The following RBFOX1 variants were observed in gnomAD, a reference collection of about 807,000 sequenced individuals.
The protein encoded by RBFOX1 is RNA binding protein fox-1 homolog 1.
Under a neutral mutation model 57.7 loss-of-function variants are expected in RBFOX1, and 8 were observed. The observed-to-expected ratio is 0.14, with a 90% confidence interval of 0.08 to 0.25. The LOEUF is 0.25. Among genes scored for constraint, RBFOX1 ranks in the 10% least tolerant of loss-of-function variants. RBFOX1 has a pLI of 1.00. For synonymous variants in RBFOX1, 326 were observed against 222.4 expected (o/e 1.47, Z -4.15); for missense variants, 611 against 548.5 (o/e 1.11, Z -1.14).
intron 3 of RBFOX1, among the ~76,000 whole-genome samples, chr16:6,777,130 G>C (rs112101020): frequency 0.016 from 2,494 of 152,098 alleles, 73 homozygotes; most frequent in African/African-American, 0.057. Context: ...TAGTGGTCTT[G>C]TATGCGATGT....
chr16:6,469,469 G>A (rs75191849), intron 2 of RBFOX1, among the ~76,000 whole-genome samples: 1,802 of 152,254 alleles, frequency 0.012, 24 homozygotes, highest in African/African-American at 0.036. Context: ...AGGAATTGGC[G>A]TGATTTTAAG....
At chr16:6,647,890 G>C (rs2098546758) in intron 2 of RBFOX1, among the ~76,000 whole-genome samples, 3 of 152,160 alleles carry the variant, frequency 2.0e-5, no homozygotes, top group Admixed American at 6.5e-5. Flanking sequence ...TGCCCAGTCT[G>C]GAGTGTAGTG....
At chr16:6,457,954 T>C (rs2094817481) in intron 2 of RBFOX1, among the ~76,000 whole-genome samples, 1 of 151,702 alleles carries the variant, frequency 6.6e-6, no homozygotes, top group African/African-American at 2.4e-5. Context: ...GGTGGTCACG[T>C]ACATGTGCAA....
chr16:7,476,960 G>C (rs548764475), intron 4 of RBFOX1, among the ~76,000 whole-genome samples: 1 of 152,240 alleles, frequency 6.6e-6, no homozygotes, highest in East Asian at 1.9e-4. Flanking sequence ...CTCCATCATA[G>C]TGCAATTGCA....
intron 3 of RBFOX1, among the ~76,000 whole-genome samples, chr16:6,777,944 G>C (rs1288144014): frequency 6.6e-6 from 1 of 152,122 alleles, no homozygotes; most frequent in African/African-American, 2.4e-5. Flanking sequence ...TTTCAGTGCA[G>C]GTGGTAATAT....
intron 3 of RBFOX1, among the ~76,000 whole-genome samples, chr16:5,658,716 TCATA>T (rs199909285): frequency 0.042 from 6,265 of 148,534 alleles, 451 homozygotes; most frequent in African/African-American, 0.15. Context: ...TAGTATTCCA[TCATA>T]CATACATACA....
chr16:7,373,949 G>A (rs4238879), intron 4 of RBFOX1, among the ~76,000 whole-genome samples: 118,766 of 152,152 alleles, frequency 0.78, 47,060 homozygotes, highest in African/African-American at 0.92. Flanking sequence ...CAATGAAACT[G>A]TATCACTTTT....
chr16:6,855,845 C>CCTTCCCTCCCTCCTTCCCTCCCTG (rs202089163), intron 3 of RBFOX1, among the ~76,000 whole-genome samples: 17 of 114,760 alleles, frequency 1.5e-4, no homozygotes, highest in African/African-American at 4.5e-4. Context: ...TTCCCTCCCT[C>CCTTCCCTCCCTCCTTCCCTCCCTG]TTTCCCTCCC....
chr16:7,342,412 G>T lies in RBFOX1; in HGVS notation c.28-175735G>T, dbSNP rs144213813. Among the ~76,000 whole-genome samples, 1,335 of 152,302 alleles carry T rather than the reference G, an allele frequency of 8.8e-3. 18 individuals are homozygous for T. The highest frequency in any genetic ancestry group is 0.031 in the African/African-American group (1,274 of 41,556). On this transcript the variant is annotated intron_variant, in intron 4 of 15. Coordinates refer to ENST00000550418, the MANE Select transcript of RBFOX1 (RefSeq NM_018723.4). ...CTCTGAGCACCCATGGTTTCAACCT[G>T]TCTGCGGGGATGGTCACATCGACTG... is the stretch of plus-strand genomic sequence containing the variant.
At chr16:7,329,066 T>C (rs1413409697) in intron 4 of RBFOX1, among the ~76,000 whole-genome samples, 1 of 152,198 alleles carries the variant, frequency 6.6e-6, no homozygotes, top group African/African-American at 2.4e-5. Flanking sequence ...CTTTGGTGTA[T>C]TGTCAACGGA....
At chr16:7,005,630 GAC>G (rs2093230338) in intron 3 of RBFOX1, among the ~76,000 whole-genome samples, 1 of 152,174 alleles carries the variant, frequency 6.6e-6, no homozygotes, top group African/African-American at 2.4e-5. Context: ...CTCACAGATA[GAC>G]TTTGGTGTTG....
chr16:5,942,648 G>T (rs899726237), intron 4 of RBFOX1, among the ~76,000 whole-genome samples: 1 of 152,000 alleles, frequency 6.6e-6, no homozygotes, highest in African/African-American at 2.4e-5. Context: ...GTTTTGATAA[G>T]GTCTATTATG....
Position 5,484,862 on chromosome 16 carries a change from C to G in RBFOX1, c.258+17608C>G, listed in dbSNP as rs989924592. On this transcript the variant is annotated intron_variant, in intron 2 of 2. Transcript: ENST00000585867. ...GGGAGCCAGAGATCGTGTCACTGCA[C>G]TCCAGCCTGGGTGACATAGTGAGAC... 3.3e-5 allele frequency among the ~76,000 whole-genome samples: 5 copies of G among 151,238 alleles called. No homozygotes were observed. In the East Asian group the frequency reaches 7.8e-4, roughly 24 times the overall value.
At chr16:5,295,655 C>G (rs1358404129) in intron 1 of RBFOX1, among the ~76,000 whole-genome samples, 1 of 152,188 alleles carries the variant, frequency 6.6e-6, no homozygotes, top group Non-Finnish European at 1.5e-5. Context: ...GACATGGCAG[C>G]TCACATCTTC....
intron 4 of RBFOX1, among the ~76,000 whole-genome samples, chr16:7,153,869 C>T (rs1363871355): frequency 6.6e-6 from 1 of 151,812 alleles, no homozygotes; most frequent in East Asian, 1.9e-4. Context: ...TTCTTGATAC[C>T]AGGCAGGAAA....
intron 3 of RBFOX1, among the ~76,000 whole-genome samples, chr16:6,943,043 G>A (rs1276522868): frequency 6.6e-6 from 1 of 152,172 alleles, no homozygotes; most frequent in Non-Finnish European, 1.5e-5. Flanking sequence ...CGGGGAGAAA[G>A]CTCCCTGAAT....
chr16:6,751,649 A>G (rs1001687218), intron 3 of RBFOX1, among the ~76,000 whole-genome samples: 1 of 152,202 alleles, frequency 6.6e-6, no homozygotes, highest in African/African-American at 2.4e-5. Flanking sequence ...GAAGCCAGTA[A>G]CATTGATTTA....
intron 3 of RBFOX1, among the ~76,000 whole-genome samples, chr16:6,692,857 C>G (rs2060409759): frequency 6.6e-6 from 1 of 152,088 alleles, no homozygotes; most frequent in Admixed American, 6.6e-5. Context: ...TCACCACCAT[C>G]ATCATCACCA....
chr16:7,113,292 C>G (rs754749709), intron 4 of RBFOX1, among the ~76,000 whole-genome samples: 1 of 152,098 alleles, frequency 6.6e-6, no homozygotes. Context: ...GAGTAATGCT[C>G]TATAGTTTTT....
Sources: gnomAD v4.1 joint callset for allele counts (sites outside exome capture counted in the v4.1 genomes callset) on GRCh38, gnomAD v4.1.1 for gene constraint, MANE v1.5 for transcripts, NCBI Gene and HGNC (gene_info 2026-07-23, HGNC 2026-07-21) for gene names.